The following FAM168B variants were observed in gnomAD, a reference collection of about 807,000 sequenced individuals.
The protein encoded by FAM168B is family with sequence similarity 168 member B.
A neutral mutation model predicts 21.8 loss-of-function variants in FAM168B; 19 were observed. The observed-to-expected ratio is 0.87, with a 90% confidence interval of 0.61 to 1.28. The LOEUF (loss-of-function observed/expected upper bound fraction) is 1.28. FAM168B is among the 50% of genes most tolerant of loss of function. The probability of loss-of-function intolerance (pLI) is 0.00; values close to 1 mark genes in which losing one functional copy is unlikely to be tolerated. For synonymous variants in FAM168B, 126 were observed against 104.8 expected (o/e 1.20, Z -1.24); for missense variants, 233 against 263.1 (o/e 0.89, Z 0.79).
chr2:131,075,499 CT>C (rs201403777), intron 2 of FAM168B, among the ~76,000 whole-genome samples: 1,822 of 144,214 alleles, frequency 0.013, 19 homozygotes, highest in African/African-American at 0.035. Flanking sequence ...CACTTTCTTT[CT>C]TTTTTTTTTT....
At chr2:131,059,355 G>C (rs930893898) in intron 3 of FAM168B, among the ~76,000 whole-genome samples, 1 of 152,148 alleles carries the variant, frequency 6.6e-6, no homozygotes, top group African/African-American at 2.4e-5. Flanking sequence ...GGGACGTCAA[G>C]GGTCATCTTG....
At chr2:131,074,140 T>C (rs1415789414) in intron 2 of FAM168B, among the ~76,000 whole-genome samples, 1 of 151,890 alleles carries the variant, frequency 6.6e-6, no homozygotes, top group Non-Finnish European at 1.5e-5. Flanking sequence ...TATTCTCTCT[T>C]TTTTTTTGAG....
At position 131,051,788 on chromosome 2, in the gene FAM168B, A is replaced by C. The variant is rs1243880207; in HGVS notation, c.*677T>G. 1 of 985,298 alleles carries C rather than the reference A, an allele frequency of 1.0e-6. No individual in the cohort carries two copies. The highest frequency in any genetic ancestry group is 1.2e-6 in the Non-Finnish European group (1 of 829,946). 61.0% of individuals were successfully genotyped at this position (985,298 alleles called of 1,614,324 possible). On this transcript the variant is annotated 3_prime_UTR_variant, in exon 7 of 7. Transcript: ENST00000389915. The stretch of plus-strand genomic sequence containing the variant: ...AGCATGTCCCTGTTCCACTGACTCC[A>C]CCAAGCCTAAACTCAAAGGGATGTC...
intron 1 of FAM168B, among the ~76,000 whole-genome samples, chr2:131,083,572 C>T (rs1392115822): frequency 1.3e-5 from 2 of 152,124 alleles, no homozygotes; most frequent in African/African-American, 4.8e-5. Context: ...CTACAAGTAA[C>T]CAAAATGTTC....
At chr2:131,067,875 A>G (rs1438487700) in intron 3 of FAM168B, among the ~76,000 whole-genome samples, 1 of 152,146 alleles carries the variant, frequency 6.6e-6, no homozygotes. Context: ...GCTCACTGAA[A>G]AGGGAGTTAT....
At chr2:131,055,125 G>T in intron 5 of FAM168B, 147 bp downstream of exon 5, 1 of 738,362 alleles carries the variant, frequency 1.4e-6, no homozygotes, top group Non-Finnish European at 2.0e-6. Context: ...AAGATAACCT[G>T]CTGTTTCTTC....
chr2:131,084,732 T>G (rs953772336), intron 1 of FAM168B, among the ~76,000 whole-genome samples: 1 of 152,110 alleles, frequency 6.6e-6, no homozygotes, highest in Non-Finnish European at 1.5e-5. Context: ...CTCTGAATCT[T>G]ATCCAGGGTA....
At chr2:131,087,135 A>C (rs1693748325) in intron 1 of FAM168B, among the ~76,000 whole-genome samples, 1 of 151,688 alleles carries the variant, frequency 6.6e-6, no homozygotes, top group Non-Finnish European at 1.5e-5. Flanking sequence ...GAGAGCAAAA[A>C]TTCTGTGGAG....
Position 131,055,645 on chromosome 2 carries a change from C to G in FAM168B, c.205G>C (p.Ala69Pro), listed in dbSNP as rs764304514. 6.2e-7 allele frequency: 1 copy of G among 1,613,210 alleles called. No individual in the cohort carries two copies. Among genetic ancestry groups the G allele is most frequent in the Non-Finnish European group, 8.5e-7 (1 of 1,179,630 alleles). The change falls in exon 4 of 7, where the codon GCT becomes CCT. Residue 69 changes from alanine (A) to proline (P), a missense_variant. Coordinates refer to ENST00000389915, the MANE Select transcript of FAM168B (RefSeq NM_001009993.4). Reference sequence around the variant, plus strand: ...GGGGAGGAGGAGTACGGTGGCACAGCCCCGCTGGTGGGGGAACAGGACACT... The same window carrying G: ...GGGGAGGAGGAGTACGGTGGCACAGGCCCGCTGGTGGGGGAACAGGACACT... ...YKVSCSPTSG[A>P]VPPYSSSPNP...
At chr2:131,074,710 A>T (rs563979316) in intron 2 of FAM168B, among the ~76,000 whole-genome samples, 2 of 152,302 alleles carry the variant, frequency 1.3e-5, no homozygotes, top group African/African-American at 4.8e-5. Context: ...GGAAGCCCTA[A>T]GGTTGAGGTA....
At chr2:131,074,845 C>T (rs188209971) in intron 2 of FAM168B, among the ~76,000 whole-genome samples, 19 of 152,274 alleles carry the variant, frequency 1.2e-4, no homozygotes, top group African/African-American at 4.1e-4. Context: ...TGCTCTATTG[C>T]CCTGCATCCC....
At chr2:131,081,981 C>G (rs936520604) in intron 2 of FAM168B, among the ~76,000 whole-genome samples, 1 of 152,302 alleles carries the variant, frequency 6.6e-6, no homozygotes, top group East Asian at 1.9e-4. Flanking sequence ...ACTCCTTGTG[C>G]AAAGTCACCG....
chr2:131,088,139 G>A (rs908009237), intron 1 of FAM168B, among the ~76,000 whole-genome samples: 4 of 152,158 alleles, frequency 2.6e-5, no homozygotes, highest in East Asian at 1.9e-4. Flanking sequence ...CCAGCTACTC[G>A]GGAGGCTAAG....
At position 131,047,917 on chromosome 2, in the gene FAM168B, A is replaced by G. The variant is rs1691379442; in HGVS notation, c.*4548T>C. On this transcript the variant is annotated 3_prime_UTR_variant, in exon 7 of 7. Transcript: ENST00000389915. ...CTTTATTGAAAACTGCAGTATTAAT[A>G]CATAACAATTCTTGTTACAATAAAC... is the stretch of plus-strand genomic sequence containing the variant. 9.2e-6 allele frequency: 2 copies of G among 216,226 alleles called. No individual in the cohort carries two copies. Among genetic ancestry groups the G allele is most frequent in the African/African-American group, 4.6e-5 (2 of 43,614 alleles). 13.4% of individuals were successfully genotyped at this position (216,226 alleles called of 1,614,324 possible). A position where few individuals can be genotyped will look rare whatever the true frequency, so the allele number is the denominator to read the frequency against.
In FAM168B at chr2:131,055,255, C is replaced by A; in HGVS notation, c.475+17G>T. 6.5e-7 allele frequency: 1 copy of A among 1,529,840 alleles called. No homozygotes were observed. The highest frequency in any genetic ancestry group is 8.7e-7 in the Non-Finnish European group (1 of 1,144,336). 94.8% of individuals were successfully genotyped at this position (1,529,840 alleles called of 1,614,324 possible). On this transcript the variant is annotated intron_variant, in intron 5 of 6. Transcript: ENST00000389915. The stretch of plus-strand genomic sequence containing the variant: ...AGGGTACACCATAGGACAGACACCG[C>A]AGGAACGAGGACTTACCTGCTGACA...
chr2:131,067,162 A>G (rs1402634166), intron 3 of FAM168B, among the ~76,000 whole-genome samples: 1 of 152,160 alleles, frequency 6.6e-6, no homozygotes, highest in Non-Finnish European at 1.5e-5. Flanking sequence ...TTGGGTGGGG[A>G]CACAGCCAAA....
chr2:131,081,194 G>C (rs901744208), intron 2 of FAM168B, among the ~76,000 whole-genome samples: 1 of 152,078 alleles, frequency 6.6e-6, no homozygotes, highest in East Asian at 1.9e-4. Context: ...CCCCTCTTAT[G>C]TTTCTGATTC....
chr2:131,077,862 T>TC (rs1431626899), intron 2 of FAM168B, among the ~76,000 whole-genome samples: 1 of 152,078 alleles, frequency 6.6e-6, no homozygotes, highest in African/African-American at 2.4e-5. Flanking sequence ...TTTTCCTTAC[T>TC]CCCCTGGTGT....
At chr2:131,087,921 G>T (rs1693798512) in intron 1 of FAM168B, among the ~76,000 whole-genome samples, 1 of 152,114 alleles carries the variant, frequency 6.6e-6, no homozygotes, top group Admixed American at 6.5e-5. Flanking sequence ...CTTCCATAAT[G>T]ACCTGACTTA....
Sources: gnomAD v4.1 joint callset for allele counts (sites outside exome capture counted in the v4.1 genomes callset) on GRCh38, gnomAD v4.1.1 for gene constraint, MANE v1.5 for transcripts, NCBI Gene and HGNC (gene_info 2026-07-23, HGNC 2026-07-21) for gene names.